Variants in CRACR2A observed in about 807,000 individuals in gnomAD.
CRACR2A encodes the protein EF-hand calcium-binding domain-containing protein 4B.
In CRACR2A, 79 loss-of-function variants were observed where a neutral mutation model predicts 90.5. The ratio of observed to expected loss-of-function variants is 0.87; its 90% CI spans 0.73 to 1.05. The LOEUF is 1.05. Ranked by LOEUF, CRACR2A falls within the 50% of genes least tolerant of loss-of-function variation. CRACR2A has a pLI of 0.00. For missense variants in CRACR2A, 823 were observed against 897.2 expected, an observed-to-expected ratio of 0.92 and a Z score of 1.06; for synonymous variants, 338 against 356.7, an observed-to-expected ratio of 0.95 and a Z score of 0.59.
At chr12:3,635,488 T>A (rs555982174) in intron 14 of CRACR2A, among the ~76,000 whole-genome samples, 1 of 152,218 alleles carries the variant, frequency 6.6e-6, no homozygotes, top group South Asian at 2.1e-4. Context: ...CATCCTGAAA[T>A]GGTCACTATT....
At chr12:3,621,535 C>T (rs768974752) in intron 17 of CRACR2A, among the ~76,000 whole-genome samples, 1 of 148,598 alleles carries the variant, frequency 6.7e-6, no homozygotes, top group South Asian at 2.1e-4. Flanking sequence ...ACCTGTAGTC[C>T]CAGCTACTTG....
intron 1 of CRACR2A, among the ~76,000 whole-genome samples, chr12:3,748,097 G>A (rs1344965949): frequency 6.6e-6 from 1 of 152,202 alleles, no homozygotes; most frequent in Non-Finnish European, 1.5e-5. Context: ...AGGACTGGGT[G>A]TTAAGCCTAT....
At chr12:3,640,973 G>A (rs1944556568) in intron 13 of CRACR2A, among the ~76,000 whole-genome samples, 1 of 152,242 alleles carries the variant, frequency 6.6e-6, no homozygotes, top group Non-Finnish European at 1.5e-5. Flanking sequence ...AGCCTTGTCT[G>A]TAAAAGGAGT....
intron 3 of CRACR2A, among the ~76,000 whole-genome samples, chr12:3,705,490 G>T (rs1333976289): frequency 6.6e-6 from 1 of 152,236 alleles, no homozygotes; most frequent in Non-Finnish European, 1.5e-5. Context: ...AAGTCATCCA[G>T]ATTTCCCTTG....
At chr12:3,731,657 C>A (rs559409657) in intron 2 of CRACR2A, 1 of 152,336 alleles carries the variant, frequency 6.6e-6, no homozygotes, top group Admixed American at 6.5e-5. Flanking sequence ...AAGTCCTAAC[C>A]CCTAGTACCT....
At chr12:3,719,414 A>C (rs1346765146) in intron 2 of CRACR2A, among the ~76,000 whole-genome samples, 2 of 152,234 alleles carry the variant, frequency 1.3e-5, no homozygotes, top group African/African-American at 4.8e-5. Context: ...AATGGTGTGC[A>C]GAGATAGGAA....
intron 2 of CRACR2A, among the ~76,000 whole-genome samples, chr12:3,722,556 G>C (rs1374435387): frequency 6.6e-6 from 1 of 152,166 alleles, no homozygotes; most frequent in Non-Finnish European, 1.5e-5. Context: ...AGGCCGTATG[G>C]AGGTAGCACT....
intron 18 of CRACR2A, among the ~76,000 whole-genome samples, chr12:3,617,538 T>C (rs982896542): frequency 6.6e-6 from 1 of 152,208 alleles, no homozygotes; most frequent in African/African-American, 2.4e-5. Flanking sequence ...GGGACAGGTG[T>C]CATGAGGCAC....
At chr12:3,625,992 C>T (rs1313389392) in intron 17 of CRACR2A, among the ~76,000 whole-genome samples, 1 of 152,224 alleles carries the variant, frequency 6.6e-6, no homozygotes, top group Non-Finnish European at 1.5e-5. Flanking sequence ...TTCACCCATA[C>T]CATTTGCTTC....
At chr12:3,651,029 A>T (rs150754914) in intron 10 of CRACR2A, among the ~76,000 whole-genome samples, 1 of 152,376 alleles carries the variant, frequency 6.6e-6, no homozygotes, top group East Asian at 1.9e-4. Flanking sequence ...AGTCCTTCTA[A>T]CCTAGAGGTT....
intron 2 of CRACR2A, among the ~76,000 whole-genome samples, chr12:3,721,310 G>A (rs1946168096): frequency 6.7e-6 from 1 of 150,350 alleles, no homozygotes; most frequent in Non-Finnish European, 1.5e-5. Context: ...GAGGCAAGAG[G>A]GTCGCTTGAG....
rs1262806940 is a variant in CRACR2A at position 3,633,435 on chromosome 12, T to A, written c.1735+169A>T. The stretch of plus-strand genomic sequence containing the variant: ...AGCAGCGTGAGGGGAGGTGGCTTCA[T>A]CTTGCCCCTCCCAGCCTGTCTGTTG... On this transcript the variant is annotated intron_variant, in intron 15 of 19. Coordinates refer to ENST00000440314, the MANE Select transcript of CRACR2A (RefSeq NM_001144958.2). This position sits in a 1 kb window ranked among gnomAD's most constrained non-coding sequence, Gnocchi z 4.5. 1.3e-5 allele frequency among the ~76,000 whole-genome samples: 2 copies of A among 152,076 alleles called. No homozygotes were observed. Among genetic ancestry groups the A allele is most frequent in the Non-Finnish European group, 2.9e-5 (2 of 68,008 alleles).
intron 13 of CRACR2A, among the ~76,000 whole-genome samples, chr12:3,641,249 C>T (rs1485112519): frequency 1.3e-5 from 2 of 152,148 alleles, no homozygotes; most frequent in African/African-American, 4.8e-5. Flanking sequence ...GAGGCTGAGG[C>T]AGGAGAATCG....
chr12:3,716,579 T>C (rs540556108), intron 2 of CRACR2A, among the ~76,000 whole-genome samples: 2 of 152,362 alleles, frequency 1.3e-5, no homozygotes, highest in African/African-American at 4.8e-5. Flanking sequence ...TATCTTTTCC[T>C]TGCAAATTGA....
At chr12:3,672,634 T>C (rs1189034257) in intron 7 of CRACR2A, 2 of 476,812 alleles carry the variant, frequency 4.2e-6, no homozygotes, top group African/African-American at 4.2e-5. Context: ...TAAATGTTTG[T>C]TAAAGGACTA....
chr12:3,637,949 C>A (rs1944486890), intron 14 of CRACR2A, among the ~76,000 whole-genome samples, 175 bp downstream of exon 14: 1 of 152,134 alleles, frequency 6.6e-6, no homozygotes, highest in Non-Finnish European at 1.5e-5. Context: ...CCTGAGTCTC[C>A]CCGCATGACA....
At chr12:3,637,038 C>T (rs952379430) in intron 14 of CRACR2A, among the ~76,000 whole-genome samples, 8 of 152,214 alleles carry the variant, frequency 5.3e-5, no homozygotes, top group African/African-American at 1.9e-4. Context: ...ATTCCGAGGC[C>T]TGGGTCCCAA....
chr12:3,647,843 G>C, intron 11 of CRACR2A: 1 of 984,824 alleles, frequency 1.0e-6, no homozygotes, highest in African/African-American at 1.7e-5. Flanking sequence ...GAGGTGCTCA[G>C]CAGGCAGTGA....
rs140829550 is a variant in CRACR2A, at chr12:3,659,773, G to A, written c.672-119C>T. The A allele has an allele frequency of 2.4e-5, 18 of 754,202 alleles. No individual in the cohort carries two copies. In the African/African-American group the frequency reaches 2.4e-4, roughly 10 times the overall value. The allele number at this position is 754,202 out of a possible 1,614,324, so 46.7% of individuals were successfully genotyped here. A position where few individuals can be genotyped will look rare whatever the true frequency, so the allele number is the denominator to read the frequency against. Reference sequence around the variant, plus strand: ...CTGTGGGTGTGGGGGTGACAGCATAGGTCAGGTCAGCCAACGCTATAAGAT... The same window carrying A: ...CTGTGGGTGTGGGGGTGACAGCATAAGTCAGGTCAGCCAACGCTATAAGAT... On this transcript the variant is annotated intron_variant, in intron 7 of 19. Coordinates refer to ENST00000440314, the MANE Select transcript of CRACR2A (RefSeq NM_001144958.2).
Sources: allele counts gnomAD v4.1 joint callset (sites outside exome capture counted in the v4.1 genomes callset), GRCh38; gene constraint gnomAD v4.1.1; non-coding constraint Gnocchi (gnomAD v3.1); transcripts MANE v1.5; gene names NCBI Gene and HGNC (gene_info 2026-07-23, HGNC 2026-07-21).